The following NDST3 variants were observed in gnomAD, a reference collection of about 807,000 sequenced individuals.
The protein encoded by NDST3 is N-deacetylase and N-sulfotransferase 3, also known as bifunctional heparan sulfate N-deacetylase/N-sulfotransferase 3.
Under a neutral mutation model 96.1 loss-of-function variants are expected in NDST3, and 58 were observed. The observed-to-expected ratio is 0.60, with a 90% confidence interval of 0.49 to 0.75. NDST3 has a LOEUF of 0.75. NDST3 is among the 30% of genes least tolerant of loss of function. NDST3 has a pLI of 0.00. For synonymous variants in NDST3, 333 were observed against 359.7 expected, an observed-to-expected ratio of 0.93 and a Z score of 0.84; for missense variants, 788 against 1,034.2, an observed-to-expected ratio of 0.76 and a Z score of 3.27.
In NDST3 at chr4:118,193,480, A is replaced by T. The variant is rs1417907802; in HGVS notation, c.1540-31011A>T. ...GCTCCTCCATCTCTGTGTCAGTGAG[A>T]TTGTCTCCTGAGGAAGCCTCTGCCT... On this transcript the variant is annotated intron_variant, in intron 6 of 13. Transcript: ENST00000296499. 1.8e-5 allele frequency: 14 copies of T among 792,370 alleles called. No individual in the cohort carries two copies. In the East Asian group the frequency reaches 3.7e-4, roughly 21 times the overall value. The allele number at this position is 792,370 out of a possible 1,614,324, so 49.1% of individuals were successfully genotyped here. A position where few individuals can be genotyped will look rare whatever the true frequency, so the allele number is the denominator to read the frequency against.
rs1325728660 is a variant in NDST3 at position 118,204,558 on chromosome 4, A to G, written c.1540-19933A>G. On this transcript the variant is annotated intron_variant, in intron 6 of 13. Transcript: ENST00000296499. ...ACAGTTGGCTGCCTCTGACTGGCCA[A>G]AACTTGGTGACTGGCACAAGAGTAG... is the stretch of plus-strand genomic sequence containing the variant. 1.4e-5 allele frequency among the ~76,000 whole-genome samples: 2 copies of G among 144,750 alleles called. 1 individual carries two copies. Among genetic ancestry groups the G allele is most frequent in the Non-Finnish European group, 3.1e-5 (2 of 65,334 alleles). The allele number at this position is 144,750 out of a possible 152,430, so 95.0% of individuals were successfully genotyped here. A position where few individuals can be genotyped will look rare whatever the true frequency, so the allele number is the denominator to read the frequency against.
intron 4 of NDST3, among the ~76,000 whole-genome samples, chr4:118,134,702 A>G (rs1332727720): frequency 6.6e-6 from 1 of 152,186 alleles, no homozygotes; most frequent in Non-Finnish European, 1.5e-5. Context: ...GGTAGGGCTG[A>G]GATGTGGAAA....
chr4:118,135,040 T>G (rs746189974), intron 4 of NDST3, among the ~76,000 whole-genome samples: 15 of 152,242 alleles, frequency 9.9e-5, no homozygotes, highest in Non-Finnish European at 2.1e-4. Flanking sequence ...CCTGATAGTC[T>G]GCCTTCCGGA....
chr4:118,244,100 G>A (rs963090432), intron 12 of NDST3, among the ~76,000 whole-genome samples: 6 of 152,152 alleles, frequency 3.9e-5, no homozygotes, highest in Non-Finnish European at 8.8e-5. Context: ...GAGATACTGT[G>A]TTTCCATTCC....
At chr4:118,039,633 G>C (rs371229064) in intron 1 of NDST3, among the ~76,000 whole-genome samples, 2 of 152,156 alleles carry the variant, frequency 1.3e-5, no homozygotes, top group Admixed American at 6.6e-5. Flanking sequence ...TAACAGGGAG[G>C]CCTGACAGAT....
chr4:118,223,910 T>C (rs1739704159), intron 6 of NDST3, among the ~76,000 whole-genome samples: 2 of 152,180 alleles, frequency 1.3e-5, no homozygotes, highest in Admixed American at 1.3e-4. Context: ...AAAAATTATC[T>C]GCATTCACTT....
chr4:118,051,265 C>G (rs1427505014), intron 1 of NDST3, among the ~76,000 whole-genome samples: 2 of 151,838 alleles, frequency 1.3e-5, no homozygotes, highest in Non-Finnish European at 2.9e-5. Flanking sequence ...ATTAAGTAAG[C>G]AAGTTAATTC....
At chr4:118,195,132 T>C (rs28567841) in intron 6 of NDST3, among the ~76,000 whole-genome samples, 1,731 of 152,350 alleles carry the variant, frequency 0.011, 31 homozygotes, top group African/African-American at 0.039. Context: ...TTCCCATCCA[T>C]GAACATGGAA....
At chr4:118,100,000 T>C (rs955987877) in intron 2 of NDST3, among the ~76,000 whole-genome samples, 5 of 151,946 alleles carry the variant, frequency 3.3e-5, no homozygotes, top group African/African-American at 1.2e-4. Flanking sequence ...TAAACATTAC[T>C]AGTTTGGCTG....
At chr4:118,149,231 G>A (rs370444286) in intron 6 of NDST3, among the ~76,000 whole-genome samples, 31 of 151,950 alleles carry the variant, frequency 2.0e-4, no homozygotes, top group African/African-American at 4.4e-4. Flanking sequence ...TTGACTTGGC[G>A]ATGCGGGCTC....
chr4:118,208,812 A>T lies in NDST3; in HGVS notation c.1540-15679A>T, dbSNP rs1738605611. 1.4e-5 allele frequency among the ~76,000 whole-genome samples: 2 copies of T among 144,856 alleles called. 1 individual carries two copies. Among genetic ancestry groups the T allele is most frequent in the Non-Finnish European group, 3.1e-5 (2 of 65,326 alleles). On this transcript the variant is annotated intron_variant, in intron 6 of 13. Transcript: ENST00000296499. ...CTGTCTTAAAATAAATAAATTTTTTAAAACTGTAAATGTTTGAATATTTAG... is the reference window on the plus strand; with the variant it reads ...CTGTCTTAAAATAAATAAATTTTTTTAAACTGTAAATGTTTGAATATTTAG...
chr4:118,068,563 T>C (rs1201080686), intron 2 of NDST3, among the ~76,000 whole-genome samples: 2 of 152,124 alleles, frequency 1.3e-5, no homozygotes, highest in Non-Finnish European at 2.9e-5. Context: ...AAATGTTTGC[T>C]TAAAAATGCA....
chr4:118,194,125 C>G, intron 6 of NDST3: 1 of 1,129,786 alleles, frequency 8.9e-7, no homozygotes, highest in Non-Finnish European at 1.3e-6. Context: ...GTTTGAGGTA[C>G]ACAATGGAAT....
chr4:118,203,597 A>T (rs1738239032), intron 6 of NDST3, among the ~76,000 whole-genome samples: 2 of 152,178 alleles, frequency 1.3e-5, no homozygotes, highest in African/African-American at 4.8e-5. Context: ...TTGTGTGCAT[A>T]GGGTTGTGAG....
At chr4:118,233,404 G>T (rs1369087383) in intron 9 of NDST3, among the ~76,000 whole-genome samples, 12 of 152,090 alleles carry the variant, frequency 7.9e-5, no homozygotes, top group Non-Finnish European at 2.9e-5. Flanking sequence ...TATTAAGTCA[G>T]AAGAATAGCA....
intron 6 of NDST3, among the ~76,000 whole-genome samples, chr4:118,201,991 T>C (rs565974918): frequency 7.9e-5 from 12 of 152,336 alleles, no homozygotes; most frequent in African/African-American, 2.6e-4. Context: ...TCTGGTTTCA[T>C]TCTTCTGCAT....
At chr4:118,186,779 C>A (rs1478339369) in intron 6 of NDST3, among the ~76,000 whole-genome samples, 1 of 152,184 alleles carries the variant, frequency 6.6e-6, no homozygotes, top group African/African-American at 2.4e-5. Context: ...TGTGACAAAA[C>A]TTAGGGCCTT....
chr4:118,253,523 G>A lies in NDST3; in HGVS notation c.2424G>A (p.Trp808Ter), dbSNP rs1285364260. The A allele has an allele frequency of 6.2e-7, 1 of 1,610,492 alleles. No individual in the cohort carries two copies. Among genetic ancestry groups the A allele is most frequent in the Non-Finnish European group, 8.5e-7 (1 of 1,178,050 alleles). ...GGTTTGATTCTCATAAAGGTTTCTG[G>A]TGTCAGTTACTGGAAGAAGGTAAAA... ...ALTFDSHKGF[W>*]CQLLEEGKTK... The change falls in exon 13 of 14, where the codon TGG becomes TGA. Residue 808 changes from tryptophan (W) to a stop codon, truncating the protein, a stop_gained. Coordinates refer to ENST00000296499, the MANE Select transcript of NDST3 (RefSeq NM_004784.3). LOFTEE classifies it high-confidence loss of function.
intron 6 of NDST3, among the ~76,000 whole-genome samples, chr4:118,168,435 T>C (rs555881418): frequency 6.6e-6 from 1 of 152,130 alleles, no homozygotes; most frequent in South Asian, 2.1e-4. Context: ...TAGAGAAATT[T>C]ACATACATAC....
Sources: allele counts gnomAD v4.1 joint callset (sites outside exome capture counted in the v4.1 genomes callset), GRCh38; gene constraint gnomAD v4.1.1; transcripts MANE v1.5; gene names NCBI Gene and HGNC (gene_info 2026-07-23, HGNC 2026-07-21).